CREB3L2: variants seen among roughly 807,000 people sequenced by gnomAD.
The protein encoded by CREB3L2 is cAMP responsive element binding protein 3 like 2.
A neutral mutation model predicts 57.2 loss-of-function variants in CREB3L2; 23 were observed. The ratio of observed to expected loss-of-function variants is 0.40; its 90% CI spans 0.29 to 0.57. CREB3L2 has a LOEUF of 0.57. Ranked by LOEUF, CREB3L2 falls within the 20% of genes least tolerant of loss-of-function variation. The pLI, the probability that CREB3L2 is intolerant of heterozygous loss-of-function variation, is 0.42. For synonymous variants in CREB3L2, 268 were observed against 265.1 expected, an observed-to-expected ratio of 1.01 and a Z score of -0.11; for missense variants, 628 against 634.7, an observed-to-expected ratio of 0.99 and a Z score of 0.11.
At chr7:137,917,358 G>A (rs889114127) in intron 2 of CREB3L2, among the ~76,000 whole-genome samples, 6 of 152,206 alleles carry the variant, frequency 3.9e-5, no homozygotes, top group African/African-American at 1.4e-4. Flanking sequence ...CCAGAGGGTT[G>A]GAAACAGCCA....
At chr7:137,990,500 A>AT (rs1239415966) in intron 1 of CREB3L2, among the ~76,000 whole-genome samples, 2 of 152,226 alleles carry the variant, frequency 1.3e-5, no homozygotes, top group East Asian at 3.9e-4. Flanking sequence ...AAGAATGTTT[A>AT]TCCCCTGCCT....
chr7:137,940,681 C>T (rs1334143005), intron 1 of CREB3L2, among the ~76,000 whole-genome samples: 4 of 152,184 alleles, frequency 2.6e-5, no homozygotes, highest in African/African-American at 9.7e-5. Context: ...AATTCTGCCT[C>T]CAAGTCAAGA....
chr7:137,879,825 C>T lies in CREB3L2; in HGVS notation c.*651G>A, dbSNP rs572119409. On this transcript the variant is annotated 3_prime_UTR_variant, in exon 12 of 12. Transcript: ENST00000330387. Reference sequence around the variant, plus strand: ...ACCAGGTTGTGGGAGGTCCTAAAAGCGACAAGATGGGGCAGGTTTGCCTGG... The same window carrying T: ...ACCAGGTTGTGGGAGGTCCTAAAAGTGACAAGATGGGGCAGGTTTGCCTGG... 1.3e-5 allele frequency: 3 copies of T among 235,010 alleles called. No individual in the cohort carries two copies. The highest frequency in any genetic ancestry group is 1.8e-4 in the South Asian group (1 of 5,614). The allele number at this position is 235,010 out of a possible 1,614,324, so 14.6% of individuals were successfully genotyped here. A position where few individuals can be genotyped will look rare whatever the true frequency, so the allele number is the denominator to read the frequency against.
chr7:137,882,780 TA>T, intron 10 of CREB3L2, 152 bp from the exon 11 acceptor site: 1 of 521,478 alleles, frequency 1.9e-6, no homozygotes, highest in Non-Finnish European at 3.4e-6. Flanking sequence ...TGGCTTTCTA[TA>T]AAGACTTTAG....
chr7:137,890,758 A>C (rs920647879), intron 8 of CREB3L2, among the ~76,000 whole-genome samples: 1 of 152,212 alleles, frequency 6.6e-6, no homozygotes, highest in Non-Finnish European at 1.5e-5. Context: ...ACTTTCTCTG[A>C]TGTCACTGAG....
intron 2 of CREB3L2, chr7:137,922,793 A>G (rs1033305919): frequency 2.5e-5 from 6 of 244,622 alleles, no homozygotes; most frequent in African/African-American, 1.1e-4. Flanking sequence ...AATTTTATAA[A>G]TTAAATAAAT....
chr7:137,991,276 G>A (rs1011300137), intron 1 of CREB3L2, among the ~76,000 whole-genome samples: 1 of 151,416 alleles, frequency 6.6e-6, no homozygotes, highest in African/African-American at 2.4e-5. Flanking sequence ...CTATTCTCCT[G>A]CCTCAGCCTC....
intron 4 of CREB3L2, 96 bp downstream of exon 4, chr7:137,912,892 TGTG>T: frequency 6.4e-7 from 1 of 1,563,022 alleles, no homozygotes; most frequent in Non-Finnish European, 8.7e-7. Context: ...CTACAACATC[TGTG>T]GTACAAACTC....
chr7:137,912,288 A>T (rs750923858), intron 4 of CREB3L2, among the ~76,000 whole-genome samples: 1 of 151,872 alleles, frequency 6.6e-6, no homozygotes, highest in Non-Finnish European at 1.5e-5. Flanking sequence ...GAGGCACAAG[A>T]ATCGCTTGAA....
chr7:137,908,943 A>G (rs1426491830), intron 4 of CREB3L2, among the ~76,000 whole-genome samples: 1 of 151,864 alleles, frequency 6.6e-6, no homozygotes, highest in East Asian at 1.9e-4. Flanking sequence ...GCTAAAATAC[A>G]AAAAAAATTA....
intron 4 of CREB3L2, 105 bp from the exon 5 acceptor site, chr7:137,908,541 C>T (rs1799940754): frequency 5.5e-6 from 4 of 731,164 alleles, no homozygotes; most frequent in South Asian, 6.9e-5. Flanking sequence ...ATGAGCTGAC[C>T]TGGACAGATC....
intron 1 of CREB3L2, chr7:137,957,743 G>A (rs150390710): frequency 2.6e-5 from 33 of 1,287,190 alleles, no homozygotes; most frequent in Middle Eastern, 2.1e-4. Flanking sequence ...TTCAAAGAAC[G>A]CACCTGTAAG....
At position 137,880,387 on chromosome 7, in the gene CREB3L2, C is replaced by A. The variant is rs1799268787; in HGVS notation, c.*89G>T. On this transcript the variant is annotated 3_prime_UTR_variant, in exon 12 of 12. Coordinates refer to ENST00000330387, the MANE Select transcript of CREB3L2 (RefSeq NM_194071.4). The surrounding 1 kb of genome is among the most constrained non-coding windows in gnomAD (Gnocchi z 4.0). ...GCTTGCCCATGTCTCCATGAAGATC[C>A]AGTGGCAAAGAGGAAAAGCTGATGA... 1 of 1,057,136 alleles carries A rather than the reference C, an allele frequency of 9.5e-7. No individual in the cohort carries two copies. Among genetic ancestry groups the A allele is most frequent in the African/African-American group, 1.6e-5 (1 of 63,728 alleles). 65.5% of individuals were successfully genotyped at this position (1,057,136 alleles called of 1,614,324 possible). A position where few individuals can be genotyped will look rare whatever the true frequency, so the allele number is the denominator to read the frequency against.
intron 8 of CREB3L2, among the ~76,000 whole-genome samples, chr7:137,895,539 C>G (rs73450493): frequency 0.14 from 21,686 of 151,862 alleles, 4,640 homozygotes; most frequent in African/African-American, 0.47. Flanking sequence ...ACTTCCTCAT[C>G]TACTCTCCCG....
At chr7:137,922,179 C>T (rs1027261974) in intron 2 of CREB3L2, among the ~76,000 whole-genome samples, 7 of 151,126 alleles carry the variant, frequency 4.6e-5, no homozygotes, top group Non-Finnish European at 1.0e-4. Context: ...TATGGATTAC[C>T]GTACCCTCCC....
rs558874320 is a variant in CREB3L2, at chr7:137,909,433, G to A, written c.584-997C>T. Among the ~76,000 whole-genome samples, 183 of 152,270 alleles carry A rather than the reference G, an allele frequency of 1.2e-3. 1 individual carries two copies. The highest frequency in any genetic ancestry group is 4.2e-3 in the African/African-American group (174 of 41,574). ...CTTCCACGTGAATGAAAGCACTCTT[G>A]GGTCTCACTGTTCTTTCTGAACAGT... On this transcript the variant is annotated intron_variant, in intron 4 of 11. Coordinates refer to ENST00000330387, the MANE Select transcript of CREB3L2 (RefSeq NM_194071.4).
chr7:137,905,035 G>A (rs1053043461), intron 6 of CREB3L2, among the ~76,000 whole-genome samples: 6 of 151,564 alleles, frequency 4.0e-5, no homozygotes, highest in Non-Finnish European at 5.9e-5. Context: ...TGCTGGTTCC[G>A]CACATGGATA....
chr7:137,934,826 ACCT>A (rs748848588), intron 1 of CREB3L2, among the ~76,000 whole-genome samples: 3 of 152,006 alleles, frequency 2.0e-5, no homozygotes, highest in Non-Finnish European at 4.4e-5. Flanking sequence ...GTTGGAAGAA[ACCT>A]CCTAATAGGA....
Position 137,928,250 on chromosome 7 carries a change from C to T in CREB3L2, c.219G>A (p.Pro73=), listed in dbSNP as rs146953741. Residue 73 remains proline (P), a synonymous_variant, in exon 2 of 12, where the codon CCG becomes CCA. Coordinates refer to ENST00000330387, the MANE Select transcript of CREB3L2 (RefSeq NM_194071.4). The part of the protein sequence containing the change: ...SMEVEPSPTS[P]APLIQAEHSY... ...TGTGCTCAGCCTGGATGAGAGGCGCCGGGGACGTCGGGGAAGGTTCCACCT... is the reference window on the plus strand; with the variant it reads ...TGTGCTCAGCCTGGATGAGAGGCGCTGGGGACGTCGGGGAAGGTTCCACCT... The T allele has an allele frequency of 8.1e-5, 130 of 1,613,270 alleles. No homozygotes were observed. In the African/African-American group the frequency reaches 1.0e-3, roughly 13 times the overall value.
Sources: allele counts gnomAD v4.1 joint callset (sites outside exome capture counted in the v4.1 genomes callset), GRCh38; gene constraint gnomAD v4.1.1; non-coding constraint Gnocchi (gnomAD v3.1); transcripts MANE v1.5; gene names NCBI Gene and HGNC (gene_info 2026-07-23, HGNC 2026-07-21).